The following MTX2 variants were observed in gnomAD, a reference collection of about 807,000 sequenced individuals.
MTX2 encodes the protein metaxin 2.
MTX2 carries 35 observed loss-of-function variants against 42.3 expected under a neutral mutation model. That is an observed-to-expected ratio of 0.83 (90% confidence interval 0.63 to 1.10). The LOEUF (loss-of-function observed/expected upper bound fraction) is 1.10, where lower values mean the gene tolerates loss of function less well. Ranked by LOEUF, MTX2 falls within the 50% of genes least tolerant of loss-of-function variation. The pLI is 0.00. For missense variants in MTX2, 307 were observed against 304.1 expected, an observed-to-expected ratio of 1.01 and a Z score of -0.07; for synonymous variants, 119 against 100.9, an observed-to-expected ratio of 1.18 and a Z score of -1.08.
chr2:176,271,800 C>G (rs1215262170), intron 1 of MTX2, among the ~76,000 whole-genome samples: 1 of 152,104 alleles, frequency 6.6e-6, no homozygotes, highest in Non-Finnish European at 1.5e-5. Flanking sequence ...AAGAAATACA[C>G]AATGATATTA....
At chr2:176,323,340 C>A in intron 3 of MTX2, 52 bp from the exon 4 acceptor site, 2 of 1,447,978 alleles carry the variant, frequency 1.4e-6, no homozygotes, top group Non-Finnish European at 1.9e-6. Flanking sequence ...AATTTCTGTT[C>A]AAATATGCAT....
At chr2:176,299,376 G>A (rs374299493) in intron 3 of MTX2, among the ~76,000 whole-genome samples, 1 of 151,872 alleles carries the variant, frequency 6.6e-6, no homozygotes, top group African/African-American at 2.4e-5. Context: ...AAAAACTAAC[G>A]TTTTAAATAA....
At chr2:176,325,291 G>A (rs771656430) in intron 4 of MTX2, among the ~76,000 whole-genome samples, 7 of 151,582 alleles carry the variant, frequency 4.6e-5, no homozygotes, top group Non-Finnish European at 8.9e-5. Context: ...CCTTTGATTC[G>A]CACCAGAAAA....
chr2:176,329,430 A>C lies in MTX2; in HGVS notation c.543+4A>C. On this transcript the variant is annotated splice_donor_region_variant and intron_variant, in intron 8 of 9. Transcript: ENST00000249442. ...GGGAAAGAAGACTCTGGACCAGGTC[A>C]GTTCAGGTTGAAGTTGACAAAACCC... 1 of 1,602,264 alleles carries C rather than the reference A, an allele frequency of 6.2e-7. No individual in the cohort carries two copies. The highest frequency in any genetic ancestry group is 1.1e-5 in the South Asian group (1 of 89,640).
chr2:176,308,885 A>G (rs1412755422), intron 3 of MTX2, among the ~76,000 whole-genome samples: 1 of 151,994 alleles, frequency 6.6e-6, no homozygotes, highest in Non-Finnish European at 1.5e-5. Context: ...TTGTGTCTGT[A>G]TCTCTTTCAG....
chr2:176,330,749 A>C (rs1575063072), intron 9 of MTX2, 89 bp downstream of exon 9: 3 of 863,036 alleles, frequency 3.5e-6, no homozygotes, highest in Non-Finnish European at 5.5e-6. Flanking sequence ...TTTTCAAGAA[A>C]ATATTTAGCT....
intron 1 of MTX2, among the ~76,000 whole-genome samples, chr2:176,284,189 TCTG>T (rs1693142648): frequency 6.6e-6 from 1 of 152,048 alleles, no homozygotes; most frequent in African/African-American, 2.4e-5. Flanking sequence ...AAGGGATCCT[TCTG>T]CTTCAGCCTC....
In MTX2 at chr2:176,337,898, A is replaced by C; in HGVS notation, c.*234A>C. 1 of 304,820 alleles carries C rather than the reference A, an allele frequency of 3.3e-6. No individual in the cohort carries two copies. The highest frequency in any genetic ancestry group is 5.9e-6 in the Non-Finnish European group (1 of 168,416). The allele number at this position is 304,820 out of a possible 1,614,324, so 18.9% of individuals were successfully genotyped here. On this transcript the variant is annotated 3_prime_UTR_variant, in exon 10 of 10. Coordinates refer to ENST00000249442, the MANE Select transcript of MTX2 (RefSeq NM_006554.5). Reference sequence around the variant, plus strand: ...ATCTTGAAATTTTTGTTTCCTTGAAACATGCATGCATTTAAAAATAAAGCT... The same window carrying C: ...ATCTTGAAATTTTTGTTTCCTTGAACCATGCATGCATTTAAAAATAAAGCT...
intron 3 of MTX2, among the ~76,000 whole-genome samples, chr2:176,300,201 T>G (rs1475783525): frequency 6.6e-6 from 1 of 152,048 alleles, no homozygotes; most frequent in Non-Finnish European, 1.5e-5. Flanking sequence ...CTTAAGCTTA[T>G]GCTGACTGGA....
chr2:176,328,363 A>T lies in MTX2; in HGVS notation c.356A>T (p.Asn119Ile), dbSNP rs984958278. 6 of 1,583,328 alleles carry T rather than the reference A, an allele frequency of 3.8e-6. No homozygotes were observed. Among genetic ancestry groups the T allele is most frequent in the Non-Finnish European group, 5.1e-6 (6 of 1,165,470 alleles). The change falls in exon 6 of 10, where the codon AAC (asparagine) becomes ATC (isoleucine). Residue 119 changes from asparagine to isoleucine, a missense_variant. By Grantham distance (149) the Asn-to-Ile change is moderately radical (BLOSUM62 -3). Coordinates refer to ENST00000249442, the MANE Select transcript of MTX2 (RefSeq NM_006554.5). ...AEMKAYMELV[N>I]NMLLTAELYL... ...ATGAAAGCTTACATGGAATTAGTCA[A>T]CAATATGCTGTTGACTGCAGAGGTA...
At chr2:176,295,971 C>T (rs766723027) in intron 1 of MTX2, among the ~76,000 whole-genome samples, 7 of 152,066 alleles carry the variant, frequency 4.6e-5, no homozygotes, top group Non-Finnish European at 8.8e-5. Context: ...ATGGGTGATT[C>T]TGATGTTTTA....
At chr2:176,313,860 G>A (rs1684374905) in intron 3 of MTX2, among the ~76,000 whole-genome samples, 1 of 152,066 alleles carries the variant, frequency 6.6e-6, no homozygotes, top group Non-Finnish European at 1.5e-5. Context: ...AAAATGTGCT[G>A]GTGGTTGCCC....
Position 176,297,902 on chromosome 2 carries a change from A to G in MTX2, c.135+7A>G, listed in dbSNP as rs775756056. 15 of 1,543,516 alleles carry G rather than the reference A, an allele frequency of 9.7e-6. No individual in the cohort carries two copies. Among genetic ancestry groups the G allele is most frequent in the Non-Finnish European group, 1.3e-5 (15 of 1,140,014 alleles). The stretch of plus-strand genomic sequence containing the variant: ...AGCTTCTCTTGCAGTGCAGGTAAAT[A>G]TGTAAATAATGTAATATCTTTTTCA... On this transcript the variant is annotated splice_region_variant and intron_variant, in intron 3 of 9. Transcript: ENST00000249442.
intron 3 of MTX2, among the ~76,000 whole-genome samples, chr2:176,299,473 A>T (rs1039624287): frequency 2.4e-4 from 37 of 152,114 alleles, no homozygotes; most frequent in African/African-American, 8.9e-4. Flanking sequence ...TGCTTTCTCA[A>T]ATCATAGTTG....
chr2:176,313,848 G>C (rs966306971), intron 3 of MTX2, among the ~76,000 whole-genome samples: 6 of 152,138 alleles, frequency 3.9e-5, no homozygotes, highest in African/African-American at 1.4e-4. Flanking sequence ...TACTTAATCA[G>C]TAAAATGTGC....
At chr2:176,298,004 G>A in intron 3 of MTX2, 109 bp downstream of exon 3, 1 of 655,262 alleles carries the variant, frequency 1.5e-6, no homozygotes, top group Non-Finnish European at 2.4e-6. Context: ...TATATGTTTA[G>A]ATTTTTTTCT....
chr2:176,329,187 TCA>T, intron 7 of MTX2, 112 bp from the exon 8 acceptor site: 3 of 1,258,554 alleles, frequency 2.4e-6, no homozygotes, highest in Non-Finnish European at 2.1e-6. Flanking sequence ...TGTATTTTTT[TCA>T]GATTGCTCTA....
At chr2:176,294,764 T>C (rs1683813486) in intron 1 of MTX2, among the ~76,000 whole-genome samples, 1 of 152,220 alleles carries the variant, frequency 6.6e-6, no homozygotes, top group South Asian at 2.1e-4. Flanking sequence ...GCATATCGTT[T>C]GTTGGATTCT....
At chr2:176,295,168 T>TCA (rs1463201974) in intron 1 of MTX2, among the ~76,000 whole-genome samples, 1 of 152,176 alleles carries the variant, frequency 6.6e-6, no homozygotes, top group Non-Finnish European at 1.5e-5. Flanking sequence ...GAACTTGATT[T>TCA]CAATATTTAT....
Sources: gnomAD v4.1 joint callset for allele counts (sites outside exome capture counted in the v4.1 genomes callset) on GRCh38, gnomAD v4.1.1 for gene constraint, MANE v1.5 for transcripts, NCBI Gene and HGNC (gene_info 2026-07-23, HGNC 2026-07-21) for gene names.